The following CRHR1 variants were observed in gnomAD, a reference collection of about 807,000 sequenced individuals.
The protein encoded by CRHR1 is corticotropin releasing hormone receptor 1.
In CRHR1, 28 loss-of-function variants were observed where a neutral mutation model predicts 56.0. The observed-to-expected ratio is 0.50, with a 90% CI of 0.37 to 0.69. The LOEUF (loss-of-function observed/expected upper bound fraction) is 0.69, where lower values mean the gene tolerates loss of function less well. CRHR1 is among the 30% of genes least tolerant of loss of function. The pLI is 0.00. For missense variants in CRHR1, 376 were observed against 548.0 expected (o/e 0.69, Z 3.13); for synonymous variants, 195 against 216.5 (o/e 0.90, Z 0.87).
intron 1 of CRHR1, among the ~76,000 whole-genome samples, chr17:45,806,361 C>G (rs2061718678): frequency 6.6e-6 from 1 of 152,234 alleles, no homozygotes. Context: ...CCTTACCTCT[C>G]TGTGCCTCAG....
intron 1 of CRHR1, among the ~76,000 whole-genome samples, chr17:45,805,742 G>A (rs1350588160): frequency 6.6e-6 from 1 of 152,090 alleles, no homozygotes; most frequent in Non-Finnish European, 1.5e-5. Flanking sequence ...GGGGAGGACC[G>A]GTTACAATGC....
intron 3 of CRHR1, among the ~76,000 whole-genome samples, chr17:45,816,942 C>T (rs972875961): frequency 6.6e-6 from 1 of 152,208 alleles, no homozygotes; most frequent in South Asian, 2.1e-4. Context: ...TTTGAGCCTA[C>T]TGTAATACCA....
intron 1 of CRHR1, among the ~76,000 whole-genome samples, chr17:45,795,741 T>C (rs2061505962): frequency 6.6e-6 from 1 of 152,164 alleles, no homozygotes. Flanking sequence ...GAAATGGGAT[T>C]TTCTGTCTCC....
chr17:45,829,784 C>A, intron 5 of CRHR1: 1 of 973,406 alleles, frequency 1.0e-6, no homozygotes, highest in Non-Finnish European at 1.6e-6. Flanking sequence ...CCTGGAATGG[C>A]AGGGAGTAGA....
chr17:45,802,944 G>A (rs576131986), intron 1 of CRHR1, among the ~76,000 whole-genome samples: 5 of 152,246 alleles, frequency 3.3e-5, no homozygotes, highest in Admixed American at 2.0e-4. Flanking sequence ...GGTGGTTTTC[G>A]TGCACTTAGG....
chr17:45,825,589 G>A (rs975165513), intron 4 of CRHR1: 2 of 154,592 alleles, frequency 1.3e-5, no homozygotes, highest in African/African-American at 4.8e-5. Flanking sequence ...TCACCGTGTG[G>A]GGAGAGGTGA....
At chr17:45,812,039 G>A (rs553062367) in intron 2 of CRHR1, among the ~76,000 whole-genome samples, 44 of 152,282 alleles carry the variant, frequency 2.9e-4, no homozygotes, top group African/African-American at 1.0e-3. Flanking sequence ...ATATCAAAAT[G>A]CAGGGATGCC....
intron 11 of CRHR1, 70 bp downstream of exon 11, chr17:45,833,919 A>T: frequency 1.2e-6 from 2 of 1,612,744 alleles, no homozygotes; most frequent in Non-Finnish European, 1.7e-6. Context: ...CCTGGAGGGC[A>T]GGAGGCCAGG....
chr17:45,829,514 G>C (rs753079723), intron 5 of CRHR1, 193 bp downstream of exon 5: 2 of 1,513,830 alleles, frequency 1.3e-6, no homozygotes, highest in South Asian at 2.4e-5. Flanking sequence ...AGTAGCTGCT[G>C]GAATGGTGGG....
At chr17:45,807,714 C>T (rs2061745530) in intron 2 of CRHR1, among the ~76,000 whole-genome samples, 1 of 152,200 alleles carries the variant, frequency 6.6e-6, no homozygotes, top group African/African-American at 2.4e-5. Context: ...TGTATCTCTC[C>T]AATAGAAAAG....
Position 45,784,394 on chromosome 17 carries a change from G to C in CRHR1, c.-151G>C, listed in dbSNP as rs539583245. On this transcript the variant is annotated 5_prime_UTR_variant, in exon 1 of 13. Coordinates refer to ENST00000314537, the MANE Select transcript of CRHR1 (RefSeq NM_004382.5). This position sits in a 1 kb window ranked among gnomAD's most constrained non-coding sequence, Gnocchi z 4.2. ...CGGGCCGGGCCGGGCCGCGGGGCCG[G>C]GAAGCGCCGAGCCGGGCATCTCCTC... 1 of 524,822 alleles carries C rather than the reference G, an allele frequency of 1.9e-6. No individual in the cohort carries two copies. Among genetic ancestry groups the C allele is most frequent in the African/African-American group, 2.0e-5 (1 of 49,862 alleles). 32.5% of individuals were successfully genotyped at this position (524,822 alleles called of 1,614,324 possible).
chr17:45,805,105 T>C (rs1035059345), intron 1 of CRHR1, among the ~76,000 whole-genome samples: 3 of 152,122 alleles, frequency 2.0e-5, no homozygotes, highest in Admixed American at 1.3e-4. Flanking sequence ...CACCCGGCCA[T>C]GATAGATAAT....
In CRHR1 at chr17:45,829,307, C is replaced by T. The variant is rs1290278033; in HGVS notation, c.420C>T (p.Leu140=). The T allele has an allele frequency of 6.2e-7, 1 of 1,613,812 alleles. No individual in the cohort carries two copies. The highest frequency in any genetic ancestry group is 8.5e-7 in the Non-Finnish European group (1 of 1,179,894). Residue 140 remains leucine (L), a synonymous_variant, in exon 5 of 13, where the codon CTC becomes CTT. Transcript: ENST00000314537. The part of the protein sequence containing the change: ...SLVALLVAFV[L]FLRLRSIRCL... ...TGGCCCTCCTGGTGGCCTTTGTCCT[C>T]TTTCTGCGGCTCAGGTGAGAAGACC...
At chr17:45,833,693 T>TGGGGGGCCCCCCCCCCCCCCCCC in intron 10 of CRHR1, 21 bp from the exon 11 acceptor site, 3 of 1,571,602 alleles carry the variant, frequency 1.9e-6, no homozygotes, top group Non-Finnish European at 2.6e-6. Flanking sequence ...ACTCCGAGCC[T>TGGGGGGCCCCCCCCCCCCCCCCC]CCCCACCCGC....
intron 2 of CRHR1, 133 bp from the exon 3 acceptor site, chr17:45,816,330 T>G: frequency 1.6e-6 from 2 of 1,232,018 alleles, no homozygotes; most frequent in Non-Finnish European, 2.2e-6. Context: ...CACTGGTCAT[T>G]GTTGTCATCC....
intron 1 of CRHR1, among the ~76,000 whole-genome samples, chr17:45,796,381 CGCCCCCTCGTTCCCACT>C (rs2061518298): frequency 6.6e-6 from 1 of 152,186 alleles, no homozygotes. Flanking sequence ...TACTGTTGTC[CGCCCCCTCGTTCCCACT>C]GCCAGCTCTG....
intron 2 of CRHR1, among the ~76,000 whole-genome samples, chr17:45,816,062 A>G (rs1486539661): frequency 6.6e-6 from 1 of 152,196 alleles, no homozygotes; most frequent in Non-Finnish European, 1.5e-5. Context: ...GGTCTGTTCC[A>G]GGGTGTTCCT....
intron 3 of CRHR1, among the ~76,000 whole-genome samples, chr17:45,818,871 G>A (rs959241410): frequency 9.2e-5 from 14 of 152,166 alleles, no homozygotes; most frequent in African/African-American, 2.7e-4. Context: ...CTATTTTCCC[G>A]TGATTCTTTG....
At chr17:45,822,369 C>T (rs2062060147) in intron 4 of CRHR1, among the ~76,000 whole-genome samples, 1 of 152,210 alleles carries the variant, frequency 6.6e-6, no homozygotes, top group East Asian at 1.9e-4. Flanking sequence ...CTACTGCCCT[C>T]GGTCTCTCCC....
Sources: gnomAD v4.1 joint callset for allele counts (sites outside exome capture counted in the v4.1 genomes callset) on GRCh38, gnomAD v4.1.1 for gene constraint, Gnocchi (gnomAD v3.1) non-coding constraint, MANE v1.5 for transcripts, NCBI Gene and HGNC (gene_info 2026-07-23, HGNC 2026-07-21) for gene names.